Variants in COG5 observed in about 807,000 individuals in gnomAD.
COG5 encodes the protein conserved oligomeric Golgi complex subunit 5.
A neutral mutation model predicts 110.4 loss-of-function variants in COG5; 86 were observed. The ratio of observed to expected loss-of-function variants is 0.78; its 90% CI spans 0.65 to 0.93. The LOEUF (loss-of-function observed/expected upper bound fraction) is 0.93. COG5 is among the 40% of genes least tolerant of loss of function. The probability of loss-of-function intolerance (pLI) is 0.00; values close to 1 mark genes in which losing one functional copy is unlikely to be tolerated. For synonymous variants in COG5, 360 were observed against 334.6 expected (o/e 1.08, Z -0.83); for missense variants, 1,077 against 987.0 (o/e 1.09, Z -1.22).
At chr7:107,375,321 C>A (rs972485811) in intron 7 of COG5, among the ~76,000 whole-genome samples, 1 of 152,004 alleles carries the variant, frequency 6.6e-6, no homozygotes, top group Non-Finnish European at 1.5e-5. Context: ...ATTTATGCCG[C>A]CATGAACATT....
At chr7:107,339,866 T>G (rs1036110300) in intron 10 of COG5, among the ~76,000 whole-genome samples, 1 of 151,160 alleles carries the variant, frequency 6.6e-6, no homozygotes, top group Non-Finnish European at 1.5e-5. Flanking sequence ...GCAAAAGCAG[T>G]GTTAAGAGGA....
At chr7:107,267,994 G>C (rs551498645) in intron 14 of COG5, among the ~76,000 whole-genome samples, 6 of 152,266 alleles carry the variant, frequency 3.9e-5, no homozygotes, top group African/African-American at 1.4e-4. Context: ...TTGAGACGGA[G>C]TTTCGCTCTT....
chr7:107,489,864 A>T (rs918971161), intron 6 of COG5, among the ~76,000 whole-genome samples: 22 of 152,116 alleles, frequency 1.4e-4, no homozygotes, highest in Admixed American at 1.4e-3. Context: ...CGGGAACGCT[A>T]TGTAATCTTA....
chr7:107,402,727 T>C (rs984842090), intron 7 of COG5, among the ~76,000 whole-genome samples: 2 of 152,228 alleles, frequency 1.3e-5, no homozygotes, highest in Non-Finnish European at 2.9e-5. Flanking sequence ...GTGGATGGCA[T>C]ATCTAGTCGC....
chr7:107,512,029 T>C (rs1371547517), intron 6 of COG5, among the ~76,000 whole-genome samples: 1 of 152,192 alleles, frequency 6.6e-6, no homozygotes, highest in Non-Finnish European at 1.5e-5. Context: ...CAACATAGTG[T>C]TGGAAGTTCT....
chr7:107,241,936 G>A (rs527943475), intron 17 of COG5, among the ~76,000 whole-genome samples: 13 of 151,948 alleles, frequency 8.6e-5, no homozygotes, highest in African/African-American at 3.1e-4. Flanking sequence ...TGCACACCAC[G>A]ACACCCAGCT....
intron 10 of COG5, among the ~76,000 whole-genome samples, chr7:107,329,867 C>G (rs895932590): frequency 6.6e-6 from 1 of 152,104 alleles, no homozygotes; most frequent in Non-Finnish European, 1.5e-5. Flanking sequence ...TGCAATCCAG[C>G]CTGGATGACA....
chr7:107,539,372 T>C (rs1304545375), intron 5 of COG5, among the ~76,000 whole-genome samples: 1 of 152,214 alleles, frequency 6.6e-6, no homozygotes, highest in Non-Finnish European at 1.5e-5. Context: ...TGACATTAAA[T>C]AAGAACTTAC....
intron 1 of COG5, among the ~76,000 whole-genome samples, chr7:107,560,160 C>T (rs955522698): frequency 6.6e-6 from 1 of 152,180 alleles, no homozygotes; most frequent in African/African-American, 2.4e-5. Flanking sequence ...ACCTTTCACA[C>T]AGATATCTTA....
chr7:107,529,890 G>A (rs924185882), intron 5 of COG5, among the ~76,000 whole-genome samples: 2 of 152,096 alleles, frequency 1.3e-5, no homozygotes, highest in Admixed American at 6.6e-5. Flanking sequence ...CCAGTAACTT[G>A]GATATCTTGC....
intron 14 of COG5, among the ~76,000 whole-genome samples, chr7:107,270,254 C>T (rs1348564971): frequency 4.2e-5 from 6 of 142,262 alleles, no homozygotes; most frequent in South Asian, 4.4e-4. Flanking sequence ...AGTACTCACA[C>T]GTGCTTTTTT....
In COG5 at chr7:107,446,920, T is replaced by C. The variant is rs531533663; in HGVS notation, c.539-34288A>G. Among the ~76,000 whole-genome samples the C allele has an allele frequency of 7.1e-4, 108 of 152,294 alleles. No individual in the cohort carries two copies. In the Middle Eastern group the frequency reaches 0.017, roughly 24 times the overall value. On this transcript the variant is annotated intron_variant, in intron 6 of 21. Transcript: ENST00000297135. ...AATTAGTGGCTCTACACAATACAATTTACTATCTCAGTTCTGTAGGTTAGA... is the reference window on the plus strand; with the variant it reads ...AATTAGTGGCTCTACACAATACAATCTACTATCTCAGTTCTGTAGGTTAGA...
At chr7:107,379,253 C>T (rs926350317) in intron 7 of COG5, among the ~76,000 whole-genome samples, 7 of 152,166 alleles carry the variant, frequency 4.6e-5, no homozygotes, top group Non-Finnish European at 8.8e-5. Flanking sequence ...GCCTGCCTTA[C>T]AAGAGCTCTT....
At chr7:107,368,967 T>C (rs184760967) in intron 8 of COG5, among the ~76,000 whole-genome samples, 2 of 152,318 alleles carry the variant, frequency 1.3e-5, no homozygotes, top group African/African-American at 2.4e-5. Flanking sequence ...TATCGGGTTT[T>C]GTAGTTTGTT....
intron 6 of COG5, among the ~76,000 whole-genome samples, chr7:107,516,541 G>C (rs1799938195): frequency 6.6e-6 from 1 of 152,188 alleles, no homozygotes; most frequent in African/African-American, 2.4e-5. Context: ...CTAATTCAAA[G>C]TCACAGAAAT....
At chr7:107,539,750 G>C (rs1376272619) in intron 5 of COG5, among the ~76,000 whole-genome samples, 2 of 152,010 alleles carry the variant, frequency 1.3e-5, no homozygotes, top group East Asian at 1.9e-4. Flanking sequence ...TTAATAATGA[G>C]TGTGACTTCT....
At chr7:107,236,742 G>T in intron 17 of COG5, 55 bp from the exon 18 acceptor site, 2 of 1,123,906 alleles carry the variant, frequency 1.8e-6, no homozygotes, top group South Asian at 1.2e-5. Flanking sequence ...CACACTCTTT[G>T]ATTTTGTACC....
chr7:107,219,392 A>G (rs1799743921), intron 19 of COG5, among the ~76,000 whole-genome samples: 1 of 152,220 alleles, frequency 6.6e-6, no homozygotes, highest in African/African-American at 2.4e-5. Flanking sequence ...CTTCATGCTC[A>G]ATGCAGCATT....
At chr7:107,356,961 A>G (rs1323500669) in intron 10 of COG5, among the ~76,000 whole-genome samples, 4 of 152,192 alleles carry the variant, frequency 2.6e-5, no homozygotes, top group African/African-American at 9.6e-5. Flanking sequence ...AAGAGGTTAG[A>G]AAAAGAGATT....
Sources: gnomAD v4.1 joint callset for allele counts (sites outside exome capture counted in the v4.1 genomes callset) on GRCh38, gnomAD v4.1.1 for gene constraint, MANE v1.5 for transcripts, NCBI Gene and HGNC (gene_info 2026-07-23, HGNC 2026-07-21) for gene names.